Variants in KIF13A observed in about 807,000 individuals in gnomAD.
KIF13A encodes the protein kinesin-like protein KIF13A.
Under a neutral mutation model 212.2 loss-of-function variants are expected in KIF13A, and 79 were observed. The observed-to-expected ratio is 0.37, with a 90% CI of 0.31 to 0.45. The LOEUF (loss-of-function observed/expected upper bound fraction) is 0.45. Among genes scored for constraint, KIF13A ranks in the 20% least tolerant of loss-of-function variants. KIF13A has a pLI of 1.00. For missense variants in KIF13A, 1,901 were observed against 2,209.0 expected, an observed-to-expected ratio of 0.86 and a Z score of 2.79; for synonymous variants, 789 against 808.6, an observed-to-expected ratio of 0.98 and a Z score of 0.41.
intron 4 of KIF13A, among the ~76,000 whole-genome samples, chr6:17,857,324 T>C (rs889398051): frequency 6.6e-6 from 1 of 152,180 alleles, no homozygotes; most frequent in Non-Finnish European, 1.5e-5. Context: ...GAGGGACCTG[T>C]TGGGAGACGA....
chr6:17,947,664 C>T lies in KIF13A; in HGVS notation c.146+39390G>A, dbSNP rs1777519861. Among the ~76,000 whole-genome samples, 1 of 152,044 alleles carries T rather than the reference C, an allele frequency of 6.6e-6. No homozygotes were observed. Among genetic ancestry groups the T allele is most frequent in the Non-Finnish European group, 1.5e-5 (1 of 68,008 alleles). ...CCAGCCTGGGCAACACGGTGAAACC[C>T]TATCTCTACTAAAAATACAAAAAAA... is the stretch of plus-strand genomic sequence containing the variant. On this transcript the variant is annotated intron_variant, in intron 2 of 38. Coordinates refer to ENST00000259711, the MANE Select transcript of KIF13A (RefSeq NM_022113.6). The surrounding 1 kb of genome is among the most constrained non-coding windows in gnomAD (Gnocchi z 4.6).
intron 2 of KIF13A, among the ~76,000 whole-genome samples, chr6:17,976,827 G>C (rs1222499067): frequency 3.3e-5 from 5 of 151,342 alleles, no homozygotes; most frequent in Admixed American, 1.3e-4. Flanking sequence ...AAAGAGGCTG[G>C]GTGTGGTGGC....
In KIF13A at chr6:17,892,602, AG is replaced by A. The variant is rs1772169666; in HGVS notation, c.159+5565del. ...ACCAGAAAGACCAAGGCAGGATTAG[AG>A]GGTTGGAACATTTAGCCCAATTCTT... On this transcript the variant is annotated intron_variant, in intron 3 of 38. Coordinates refer to ENST00000259711, the MANE Select transcript of KIF13A (RefSeq NM_022113.6). This position sits in a 1 kb window ranked among gnomAD's most constrained non-coding sequence, Gnocchi z 4.7. Among the ~76,000 whole-genome samples the A allele has an allele frequency of 6.6e-6, 1 of 152,232 alleles. No individual in the cohort carries two copies. Among genetic ancestry groups the A allele is most frequent in the Non-Finnish European group, 1.5e-5 (1 of 68,034 alleles).
At chr6:17,882,088 T>C (rs1402140098) in intron 3 of KIF13A, 1 of 456,844 alleles carries the variant, frequency 2.2e-6, no homozygotes, top group Non-Finnish European at 4.4e-6. Flanking sequence ...ACCATTTTTC[T>C]GATCCATAAA....
rs9367970 is a variant in KIF13A, at chr6:17,830,541, C to T, written c.1401+560G>A. Among the ~76,000 whole-genome samples the T allele has an allele frequency of 8.7e-3, 1,327 of 152,242 alleles. 72 individuals carry two copies. In the East Asian group the frequency reaches 0.16, roughly 18 times the overall value. On this transcript the variant is annotated intron_variant, in intron 13 of 38. Transcript: ENST00000259711. ...AAGCTATCCAACGTGGCATGTCCTGCGACCACAGTGGCAACAGGGCGGCCC... is the reference window on the plus strand; with the variant it reads ...AAGCTATCCAACGTGGCATGTCCTGTGACCACAGTGGCAACAGGGCGGCCC...
At chr6:17,970,035 G>A (rs906845620) in intron 2 of KIF13A, among the ~76,000 whole-genome samples, 4 of 151,468 alleles carry the variant, frequency 2.6e-5, no homozygotes, top group Non-Finnish European at 4.4e-5. Flanking sequence ...CCATTATCCT[G>A]CCTCAGCCCC....
chr6:17,956,852 C>T (rs1291131685), intron 2 of KIF13A, among the ~76,000 whole-genome samples: 1 of 152,006 alleles, frequency 6.6e-6, no homozygotes, highest in Non-Finnish European at 1.5e-5. Context: ...CCCACTCAGT[C>T]TACTAGTATG....
intron 2 of KIF13A, among the ~76,000 whole-genome samples, chr6:17,962,444 A>G (rs1274595556): frequency 1.3e-5 from 2 of 152,220 alleles, no homozygotes. Context: ...AAAAAAGCAG[A>G]GCGAGGAGAA....
Position 17,777,504 on chromosome 6 carries a change from C to T in KIF13A, c.4093-150G>A. 1.5e-6 allele frequency: 1 copy of T among 658,168 alleles called. No homozygotes were observed. The highest frequency in any genetic ancestry group is 2.7e-6 in the Non-Finnish European group (1 of 370,470). 40.8% of individuals were successfully genotyped at this position (658,168 alleles called of 1,614,324 possible). A position where few individuals can be genotyped will look rare whatever the true frequency, so the allele number is the denominator to read the frequency against. On this transcript the variant is annotated intron_variant, in intron 33 of 38. Transcript: ENST00000259711. This position sits in a 1 kb window ranked among gnomAD's most constrained non-coding sequence, Gnocchi z 4.4. ...GTTCAAGCAATTCTGCCTCAGTCTC[C>T]TGAGTAGCTGGGACTACAGGTGCAC... is the stretch of plus-strand genomic sequence containing the variant.
At position 17,764,762 on chromosome 6, in the gene KIF13A, C is replaced by T. The variant is rs1485000035; in HGVS notation, c.4766G>A (p.Ser1589Asn). 1.2e-6 allele frequency: 2 copies of T among 1,613,048 alleles called. No individual in the cohort carries two copies. The highest frequency in any genetic ancestry group is 8.5e-7 in the Non-Finnish European group (1 of 1,179,478). ...SRVLEKEVSR[S>N]PTTSSITSGY... is the part of the protein sequence containing the mutation. ...ACTGGTAATACTGCTGGTGGTAGGG[C>T]TACGGGACACTTCTTTCTCCAAGAC... Residue 1589 changes from serine to asparagine, a missense_variant, in exon 39 of 39, where the codon AGC becomes AAC. By Grantham distance (46) the Ser-to-Asn change is conservative. Around this residue, in one of 5 missense-constraint regions of KIF13A, gnomAD observed 687 missense variants for 759.1 expected, o/e 0.90. Transcript: ENST00000259711. The surrounding 1 kb of genome is among the most constrained non-coding windows in gnomAD (Gnocchi z 5.1).
Position 17,799,181 on chromosome 6 carries a change from C to G in KIF13A, c.2790+85G>C, listed in dbSNP as rs1383387761. On this transcript the variant is annotated intron_variant, in intron 22 of 38. Transcript: ENST00000259711. The surrounding 1 kb of genome is among the most constrained non-coding windows in gnomAD (Gnocchi z 4.4). ...TCTAATAAACATATTATACTTAAAACAAATGCTTGTGGGGACAACTGATTG... is the reference window on the plus strand; with the variant it reads ...TCTAATAAACATATTATACTTAAAAGAAATGCTTGTGGGGACAACTGATTG... 9 of 914,112 alleles carry G rather than the reference C, an allele frequency of 9.8e-6. No homozygotes were observed. The East Asian group carries it at 2.3e-4, about 23-fold the overall frequency. The allele number at this position is 914,112 out of a possible 1,614,324, so 56.6% of individuals were successfully genotyped here.
At chr6:17,956,193 T>C (rs552110231) in intron 2 of KIF13A, among the ~76,000 whole-genome samples, 2 of 152,306 alleles carry the variant, frequency 1.3e-5, no homozygotes, top group South Asian at 2.1e-4. Context: ...AGTTGAGGCA[T>C]GGAGAGGACA....
At chr6:17,942,943 C>G (rs1247782347) in intron 2 of KIF13A, among the ~76,000 whole-genome samples, 1 of 152,056 alleles carries the variant, frequency 6.6e-6, no homozygotes, top group South Asian at 2.1e-4. Context: ...TGTGCCACTA[C>G]ACTCCAGGCT....
At chr6:17,950,446 ACT>A (rs1160227968) in intron 2 of KIF13A, 28 of 981,112 alleles carry the variant, frequency 2.9e-5, no homozygotes, top group Non-Finnish European at 3.4e-5. Flanking sequence ...ACCAAATAAA[ACT>A]CTGTAATTAT....
At chr6:17,954,195 G>A (rs113827295) in intron 2 of KIF13A, among the ~76,000 whole-genome samples, 3,724 of 151,542 alleles carry the variant, frequency 0.025, 129 homozygotes, top group African/African-American at 0.085. Context: ...CAGCTACTCC[G>A]AAGGCTGAGG....
chr6:17,774,319 C>G (rs1759747741), intron 35 of KIF13A, among the ~76,000 whole-genome samples: 1 of 152,060 alleles, frequency 6.6e-6, no homozygotes, highest in South Asian at 2.1e-4. Flanking sequence ...TAAATCCCCT[C>G]TTTTACCCAT....
intron 2 of KIF13A, among the ~76,000 whole-genome samples, chr6:17,924,689 CG>C (rs1325032464): frequency 2.0e-5 from 3 of 152,114 alleles, no homozygotes; most frequent in African/African-American, 7.2e-5. Context: ...ATAGGAAGGA[CG>C]GCATGATAAG....
rs1774435111 is a variant in KIF13A at position 17,915,701 on chromosome 6, C to A, written c.147-17521G>T. Among the ~76,000 whole-genome samples the A allele has an allele frequency of 6.6e-6, 1 of 152,144 alleles. No individual in the cohort carries two copies. Among genetic ancestry groups the A allele is most frequent in the Non-Finnish European group, 1.5e-5 (1 of 68,030 alleles). On this transcript the variant is annotated intron_variant, in intron 2 of 38. Coordinates refer to ENST00000259711, the MANE Select transcript of KIF13A (RefSeq NM_022113.6). This position sits in a 1 kb window ranked among gnomAD's most constrained non-coding sequence, Gnocchi z 4.4. ...TTCAGGCCAGGCACAGTGGCTCACG[C>A]CTGTAATCGCAGCACTTTGGGAGGC...
intron 3 of KIF13A, among the ~76,000 whole-genome samples, chr6:17,873,697 C>T (rs1044136485): frequency 6.6e-6 from 1 of 152,124 alleles, no homozygotes; most frequent in African/African-American, 2.4e-5. Context: ...AAGGGATCCT[C>T]CTGCTTCAGC....
Sources: gnomAD v4.1 joint callset for allele counts (sites outside exome capture counted in the v4.1 genomes callset) on GRCh38, gnomAD v4.1.1 for gene constraint, gnomAD v4.1.1 regional missense constraint, Gnocchi (gnomAD v3.1) non-coding constraint, MANE v1.5 for transcripts, NCBI Gene and HGNC (gene_info 2026-07-23, HGNC 2026-07-21) for gene names.